Variants in PRDM5 observed in about 807,000 individuals in gnomAD.
The protein encoded by PRDM5 is PR/SET domain 5, also known as PR domain zinc finger protein 5.
Under a neutral mutation model 81.2 loss-of-function variants are expected in PRDM5, and 56 were observed. That is an observed-to-expected ratio of 0.69 (90% CI 0.56 to 0.86). The LOEUF (loss-of-function observed/expected upper bound fraction) is 0.86. Among genes scored for constraint, PRDM5 ranks in the 40% least tolerant of loss-of-function variants. The probability of loss-of-function intolerance (pLI) is 0.00; values close to 1 mark genes in which losing one functional copy is unlikely to be tolerated. For missense variants in PRDM5, 697 were observed against 770.1 expected (o/e 0.91, Z 1.12); for synonymous variants, 267 against 256.4 (o/e 1.04, Z -0.39).
At chr4:120,754,165 T>C (rs1370416746) in intron 14 of PRDM5, among the ~76,000 whole-genome samples, 7 of 152,166 alleles carry the variant, frequency 4.6e-5, no homozygotes, top group African/African-American at 1.2e-4. Context: ...CTCATCAGTA[T>C]TACTTAATGG....
chr4:120,853,371 AT>A, intron 3 of PRDM5, 46 bp downstream of exon 3: 1 of 1,612,382 alleles, frequency 6.2e-7, no homozygotes, highest in South Asian at 1.1e-5. Flanking sequence ...ATATTAATTC[AT>A]CCCCCCTCAC....
chr4:120,786,415 G>A (rs1018612715), intron 10 of PRDM5, among the ~76,000 whole-genome samples: 2 of 152,044 alleles, frequency 1.3e-5, no homozygotes, highest in African/African-American at 4.8e-5. Context: ...AAAACAAGTA[G>A]GTCTCTTGCA....
At chr4:120,846,748 T>C (rs921064421) in intron 3 of PRDM5, among the ~76,000 whole-genome samples, 1 of 152,260 alleles carries the variant, frequency 6.6e-6, no homozygotes, top group African/African-American at 2.4e-5. Flanking sequence ...GTAAGCATTA[T>C]TACAATCAAC....
At chr4:120,826,135 T>C (rs1755943423) in intron 3 of PRDM5, among the ~76,000 whole-genome samples, 1 of 152,124 alleles carries the variant, frequency 6.6e-6, no homozygotes, top group African/African-American at 2.4e-5. Context: ...CTCCAACAGC[T>C]TACCAAGTGA....
chr4:120,698,588 T>C (rs1185279822), intron 15 of PRDM5, among the ~76,000 whole-genome samples: 1 of 152,154 alleles, frequency 6.6e-6, no homozygotes, highest in Admixed American at 6.6e-5. Flanking sequence ...CCCCTTCTGA[T>C]CTCAACAGTG....
At chr4:120,785,147 G>A (rs979653279) in intron 10 of PRDM5, 56 bp from the exon 11 acceptor site, 4 of 1,307,424 alleles carry the variant, frequency 3.1e-6, no homozygotes, top group Non-Finnish European at 4.4e-6. Context: ...TCATTACAAT[G>A]AACGAGTGGA....
chr4:120,732,998 A>G (rs905773335), intron 14 of PRDM5, among the ~76,000 whole-genome samples: 3 of 152,232 alleles, frequency 2.0e-5, no homozygotes, highest in African/African-American at 7.2e-5. Context: ...GTAATAGCAA[A>G]TACCTACAGC....
chr4:120,684,797 A>G (rs1171144983), downstream of PRDM5: 1 of 152,028 alleles, frequency 6.6e-6, no homozygotes, highest in Non-Finnish European at 1.5e-5. Context: ...AAAATTACAT[A>G]AATACATGAA....
At chr4:120,763,145 C>T (rs776341304) in intron 13 of PRDM5, among the ~76,000 whole-genome samples, 56 of 152,140 alleles carry the variant, frequency 3.7e-4, no homozygotes, top group South Asian at 6.2e-4. Flanking sequence ...GAAGAGATGC[C>T]AACTCAAAGG....
At chr4:120,866,137 CAA>C (rs1761178350) in intron 2 of PRDM5, among the ~76,000 whole-genome samples, 1 of 152,208 alleles carries the variant, frequency 6.6e-6, no homozygotes, top group Non-Finnish European at 1.5e-5. Flanking sequence ...CTTTGCATGA[CAA>C]AAGAGGCCCT....
chr4:120,803,634 A>C (rs6835471), intron 8 of PRDM5, among the ~76,000 whole-genome samples: 56,369 of 151,998 alleles, frequency 0.37, 10,620 homozygotes, highest in African/African-American at 0.43. Context: ...GAAATAAAAT[A>C]CTTTACAGAC....
intron 3 of PRDM5, among the ~76,000 whole-genome samples, chr4:120,830,534 G>A (rs571963070): frequency 6.6e-6 from 1 of 151,930 alleles, no homozygotes; most frequent in South Asian, 2.1e-4. Flanking sequence ...TCGTTGGAGC[G>A]GTCTTCTGAG....
downstream of PRDM5, among the ~76,000 whole-genome samples, chr4:120,690,822 A>C (rs929269757): frequency 6.6e-6 from 1 of 152,102 alleles, no homozygotes; most frequent in Non-Finnish European, 1.5e-5. Context: ...ACTGTTTTGC[A>C]TTGATTTAGA....
chr4:120,827,530 T>G (rs1322058606), intron 3 of PRDM5, among the ~76,000 whole-genome samples: 1 of 152,106 alleles, frequency 6.6e-6, no homozygotes, highest in Non-Finnish European at 1.5e-5. Flanking sequence ...ATAAATACAG[T>G]GATATTCAAA....
chr4:120,893,116 C>T lies in PRDM5; in HGVS notation c.177+14358G>A, dbSNP rs531842651. On this transcript the variant is annotated intron_variant, in intron 2 of 15. Coordinates refer to ENST00000264808, the MANE Select transcript of PRDM5 (RefSeq NM_018699.4). ...GAGTTGCCCATGAAAAACATCCTGA[C>T]GGCTCTCTGCCTCAGTCCAGAAGGA... is the stretch of plus-strand genomic sequence containing the variant. 2.5e-3 allele frequency among the ~76,000 whole-genome samples: 378 copies of T among 152,344 alleles called. 2 individuals carry two copies. The highest frequency in any genetic ancestry group is 8.5e-3 in the African/African-American group (353 of 41,582).
chr4:120,786,760 T>A (rs929897618), intron 10 of PRDM5, among the ~76,000 whole-genome samples: 2 of 152,156 alleles, frequency 1.3e-5, no homozygotes, highest in Non-Finnish European at 2.9e-5. Context: ...AAATCTTTGA[T>A]GACAAAATAA....
intron 6 of PRDM5, 112 bp downstream of exon 6, chr4:120,816,720 G>C (rs1754565844): frequency 1.3e-6 from 2 of 1,514,618 alleles, no homozygotes; most frequent in Non-Finnish European, 9.2e-7. Context: ...AAGAAGAAAA[G>C]CATTTAAATT....
At chr4:120,791,954 T>G (rs559832756) in intron 10 of PRDM5, among the ~76,000 whole-genome samples, 2 of 152,248 alleles carry the variant, frequency 1.3e-5, no homozygotes, top group South Asian at 2.1e-4. Context: ...AGATACCAGA[T>G]TTGCCAGCAC....
intron 14 of PRDM5, among the ~76,000 whole-genome samples, chr4:120,739,145 A>C (rs1353952094): frequency 1.3e-5 from 2 of 152,190 alleles, no homozygotes; most frequent in African/African-American, 4.8e-5. Context: ...TCCTCACAAC[A>C]TGGTGATTGG....
Sources: allele counts gnomAD v4.1 joint callset (sites outside exome capture counted in the v4.1 genomes callset), GRCh38; gene constraint gnomAD v4.1.1; transcripts MANE v1.5; gene names NCBI Gene and HGNC (gene_info 2026-07-23, HGNC 2026-07-21).